The following FILIP1L variants were observed in gnomAD, a reference collection of about 807,000 sequenced individuals.
FILIP1L encodes the protein filamin A-interacting protein 1-like.
In FILIP1L, 55 loss-of-function variants were observed where a neutral mutation model predicts 96.6. That is an observed-to-expected ratio of 0.57 (90% CI 0.46 to 0.71). The LOEUF is 0.71. Among genes scored for constraint, FILIP1L ranks in the 30% least tolerant of loss-of-function variants. The pLI is 0.00. For synonymous variants in FILIP1L, 467 were observed against 473.9 expected (o/e 0.99, Z 0.19); for missense variants, 1,304 against 1,321.2 (o/e 0.99, Z 0.20).
At chr3:100,090,238 T>C (rs2066080654) in intron 1 of FILIP1L, among the ~76,000 whole-genome samples, 1 of 152,226 alleles carries the variant, frequency 6.6e-6, no homozygotes. Flanking sequence ...AGCTGTTTGC[T>C]ATTGTTTTCT....
chr3:100,039,903 G>A (rs536503287), intron 1 of FILIP1L: 367 of 152,054 alleles, frequency 2.4e-3, no homozygotes, highest in African/African-American at 8.3e-3. Flanking sequence ...ACAGACGCCC[G>A]CCACCATGCC....
intron 4 of FILIP1L, among the ~76,000 whole-genome samples, chr3:99,851,350 A>T (rs188404329): frequency 1.2e-4 from 19 of 152,332 alleles, no homozygotes; most frequent in African/African-American, 4.3e-4. Context: ...TGCTTGGGTA[A>T]CATGTAATTA....
chr3:99,963,721 A>G (rs981899108), intron 1 of FILIP1L, among the ~76,000 whole-genome samples: 2 of 151,854 alleles, frequency 1.3e-5, no homozygotes, highest in African/African-American at 4.8e-5. Context: ...GGTTCGAGCA[A>G]TTCTCCTGTC....
At chr3:100,097,591 T>G (rs548897768) in intron 1 of FILIP1L, among the ~76,000 whole-genome samples, 5 of 152,314 alleles carry the variant, frequency 3.3e-5, no homozygotes, top group Admixed American at 2.0e-4. Context: ...TATACATGTT[T>G]TGTTGGATTT....
At chr3:99,883,762 T>C (rs928430663) in intron 4 of FILIP1L, among the ~76,000 whole-genome samples, 10 of 152,212 alleles carry the variant, frequency 6.6e-5, no homozygotes, top group Non-Finnish European at 1.2e-4. Context: ...TAATGTTTAA[T>C]TGATGTCAGA....
At chr3:99,996,952 G>A (rs546485651) in intron 1 of FILIP1L, among the ~76,000 whole-genome samples, 2 of 152,248 alleles carry the variant, frequency 1.3e-5, no homozygotes, top group African/African-American at 4.8e-5. Flanking sequence ...CGAAACAAAT[G>A]AAAATGAAAA....
At chr3:99,905,933 TTGTAGTCC>T (rs1383609709) in intron 4 of FILIP1L, among the ~76,000 whole-genome samples, 1 of 152,194 alleles carries the variant, frequency 6.6e-6, no homozygotes, top group Non-Finnish European at 1.5e-5. Flanking sequence ...TGGCTCATGC[TTGTAGTCC>T]CAGCAGTTTG....
At chr3:99,845,276 A>C (rs1372298771) in intron 5 of FILIP1L, among the ~76,000 whole-genome samples, 1 of 152,188 alleles carries the variant, frequency 6.6e-6, no homozygotes, top group African/African-American at 2.4e-5. Flanking sequence ...CATTGCTTTT[A>C]AATAGAAAAA....
chr3:99,991,479 G>T (rs779645569), intron 1 of FILIP1L, among the ~76,000 whole-genome samples: 1 of 151,794 alleles, frequency 6.6e-6, no homozygotes, highest in East Asian at 1.9e-4. Flanking sequence ...TATTTAGGAG[G>T]TACAAATGCA....
intron 1 of FILIP1L, among the ~76,000 whole-genome samples, chr3:99,959,581 C>T (rs1305574208): frequency 1.3e-5 from 2 of 152,128 alleles, no homozygotes; most frequent in Non-Finnish European, 2.9e-5. Context: ...TAGTTTTCCA[C>T]GTGTATAATT....
intron 4 of FILIP1L, among the ~76,000 whole-genome samples, chr3:99,891,527 T>C (rs1423351027): frequency 6.6e-6 from 1 of 152,202 alleles, no homozygotes; most frequent in Non-Finnish European, 1.5e-5. Flanking sequence ...TGAAATATTG[T>C]ATATATTTTA....
At chr3:99,914,285 G>GT (rs928328156) in intron 4 of FILIP1L, among the ~76,000 whole-genome samples, 19 of 152,152 alleles carry the variant, frequency 1.2e-4, no homozygotes, top group African/African-American at 3.9e-4. Flanking sequence ...AGCAATGGAA[G>GT]TTTTTTTATT....
At chr3:99,893,350 G>A (rs760381177) in intron 4 of FILIP1L, among the ~76,000 whole-genome samples, 2 of 151,696 alleles carry the variant, frequency 1.3e-5, no homozygotes, top group Admixed American at 6.6e-5. Flanking sequence ...TATTTTTAGT[G>A]GAGACGGGGT....
intron 5 of FILIP1L, chr3:99,848,055 T>C: frequency 7.8e-7 from 1 of 1,277,434 alleles, no homozygotes; most frequent in Non-Finnish European, 9.9e-7. Context: ...GCAGACTAAA[T>C]ATTTTCCATA....
chr3:99,873,212 C>G (rs1705327387), intron 4 of FILIP1L, among the ~76,000 whole-genome samples: 1 of 152,140 alleles, frequency 6.6e-6, no homozygotes, highest in Non-Finnish European at 1.5e-5. Flanking sequence ...TCTTTAAATC[C>G]TTATTTAAAT....
intron 4 of FILIP1L, among the ~76,000 whole-genome samples, chr3:99,916,422 T>C (rs1038666007): frequency 1.3e-5 from 2 of 148,196 alleles, no homozygotes; most frequent in Non-Finnish European, 3.0e-5. Flanking sequence ...GCCAACACTT[T>C]ATAATAACGG....
At chr3:100,080,203 C>T (rs2065909865) in intron 1 of FILIP1L, among the ~76,000 whole-genome samples, 1 of 152,216 alleles carries the variant, frequency 6.6e-6, no homozygotes, top group African/African-American at 2.4e-5. Flanking sequence ...AGGCTGGTCT[C>T]AAACTCCTGA....
At chr3:99,973,509 A>G (rs1025083574) in intron 1 of FILIP1L, among the ~76,000 whole-genome samples, 6 of 152,188 alleles carry the variant, frequency 3.9e-5, no homozygotes, top group African/African-American at 1.4e-4. Context: ...CCTTATTTTG[A>G]AAGTTTAAGC....
intron 1 of FILIP1L, among the ~76,000 whole-genome samples, chr3:100,068,497 A>G (rs766490351): frequency 9.2e-5 from 14 of 152,202 alleles, no homozygotes; most frequent in Admixed American, 2.6e-4. Flanking sequence ...ATATTCATAC[A>G]TCTTGCTATA....
Sources: gnomAD v4.1 joint callset for allele counts (sites outside exome capture counted in the v4.1 genomes callset) on GRCh38, gnomAD v4.1.1 for gene constraint, MANE v1.5 for transcripts, NCBI Gene and HGNC (gene_info 2026-07-23, HGNC 2026-07-21) for gene names.